Variants in RNF24 observed in about 807,000 individuals in gnomAD.
RNF24 encodes ring finger protein 24.
Under a neutral mutation model 20.0 loss-of-function variants are expected in RNF24, and 14 were observed. The ratio of observed to expected loss-of-function variants is 0.70; its 90% CI spans 0.46 to 1.10. The LOEUF (loss-of-function observed/expected upper bound fraction) is 1.10, where lower values mean the gene tolerates loss of function less well. RNF24 is among the 50% of genes least tolerant of loss of function. The pLI, the probability that RNF24 is intolerant of heterozygous loss-of-function variation, is 0.00. For missense variants in RNF24, 124 were observed against 177.6 expected (o/e 0.70, Z 1.71); for synonymous variants, 45 against 61.1 (o/e 0.74, Z 1.23).
Position 3,932,662 on chromosome 20 carries a change from C to T in RNF24, c.*1401G>A, listed in dbSNP as rs1274416087. 2.8e-6 allele frequency: 1 copy of T among 359,414 alleles called. No individual in the cohort carries two copies. Among genetic ancestry groups the T allele is most frequent in the African/African-American group, 2.1e-5 (1 of 47,948 alleles). The allele number at this position is 359,414 out of a possible 1,614,324, so 22.3% of individuals were successfully genotyped here. A position where few individuals can be genotyped will look rare whatever the true frequency, so the allele number is the denominator to read the frequency against. ...GACTGTATTCCTAATGAAAAACTTC[C>T]CCCACTCACACCTGTGGGATGGAGT... On this transcript the variant is annotated 3_prime_UTR_variant, in exon 6 of 6. Transcript: ENST00000358395.
chr20:3,973,500 C>CAAAAAAAAAAAAAAATAA, intron 1 of RNF24, among the ~76,000 whole-genome samples: 1 of 101,106 alleles, frequency 9.9e-6, no homozygotes, highest in East Asian at 3.3e-4. Context: ...GGAAGAATGA[C>CAAAAAAAAAAAAAAATAA]AAAAAAAAAA....
rs139919897 is a variant in RNF24, at chr20:3,976,314, C to T, written c.-7-12290G>A. On this transcript the variant is annotated intron_variant, in intron 1 of 5. Coordinates refer to ENST00000358395, the MANE Select transcript of RNF24 (RefSeq NM_001134337.3). ...CTATTAGGGAAATAGAAATTAAAGC[C>T]ACAATGAGAAATTACTAAATTAAAC... Among the ~76,000 whole-genome samples the T allele has an allele frequency of 7.6e-3, 1,155 of 152,126 alleles. 6 individuals are homozygous for T. Among genetic ancestry groups the T allele is most frequent in the Non-Finnish European group, 0.013 (895 of 67,988 alleles).
chr20:3,949,408 G>A lies in RNF24; in HGVS notation c.144-1129C>T, dbSNP rs150065593. On this transcript the variant is annotated intron_variant, in intron 2 of 5. Coordinates refer to ENST00000358395, the MANE Select transcript of RNF24 (RefSeq NM_001134337.3). ...AAAAATAAAAGTACTCACCCTGGCC[G>A]GACACAGTGGCTCATGCCTGTAATC... Among the ~76,000 whole-genome samples the A allele has an allele frequency of 4.7e-3, 709 of 150,958 alleles. 9 individuals are homozygous for A. Among genetic ancestry groups the A allele is most frequent in the African/African-American group, 0.016 (668 of 41,084 alleles).
chr20:4,008,393 T>TATATA lies in RNF24; in HGVS notation c.-8+7043_-8+7044insTATAT, dbSNP rs1362132260. Among the ~76,000 whole-genome samples the TATATA allele has an allele frequency of 1.3e-3, 29 of 23,032 alleles. 1 individual carries two copies. Among genetic ancestry groups the TATATA allele is most frequent in the African/African-American group, 4.3e-3 (21 of 4,908 alleles). 15.1% of individuals were successfully genotyped at this position (23,032 alleles called of 152,430 possible). On this transcript the variant is annotated intron_variant, in intron 1 of 5. Transcript: ENST00000358395. Reference sequence around the variant, plus strand: ...TATTATATATATAATATATATATTATATATGTAATATGTATAATATATATA... The same window carrying TATATA: ...TATTATATATATAATATATATATTATATATAATATGTAATATGTATAATATATATA...
At chr20:3,939,749 G>C (rs1290778783) in intron 4 of RNF24, among the ~76,000 whole-genome samples, 1 of 152,142 alleles carries the variant, frequency 6.6e-6, no homozygotes, top group Admixed American at 6.5e-5. Flanking sequence ...AGGGCAGATA[G>C]GATTTTGAAA....
At chr20:3,970,584 T>C (rs751762028) in intron 1 of RNF24, among the ~76,000 whole-genome samples, 6 of 152,138 alleles carry the variant, frequency 3.9e-5, no homozygotes, top group East Asian at 1.9e-4. Flanking sequence ...CAAGCATTTA[T>C]GAACATGCTT....
chr20:3,951,024 C>T (rs1220133847), intron 2 of RNF24, among the ~76,000 whole-genome samples: 30 of 152,274 alleles, frequency 2.0e-4, no homozygotes, highest in Non-Finnish European at 2.9e-5. Flanking sequence ...GGCATGATCT[C>T]GGCTCACTGC....
chr20:3,992,019 CCTT>C (rs1337806529), intron 1 of RNF24, among the ~76,000 whole-genome samples: 1 of 152,068 alleles, frequency 6.6e-6, no homozygotes, highest in Non-Finnish European at 1.5e-5. Context: ...AAAATGTACT[CCTT>C]GAGCGCAGAA....
At chr20:3,965,609 G>T (rs2091249190) in intron 1 of RNF24, among the ~76,000 whole-genome samples, 1 of 152,122 alleles carries the variant, frequency 6.6e-6, no homozygotes, top group South Asian at 2.1e-4. Flanking sequence ...TCTTACGAAG[G>T]GAAGGAAGGA....
intron 2 of RNF24, among the ~76,000 whole-genome samples, chr20:3,954,452 G>A (rs2091118869): frequency 6.6e-6 from 1 of 152,074 alleles, no homozygotes; most frequent in Non-Finnish European, 1.5e-5. Context: ...TCCATTGTAT[G>A]TACATACAAT....
intron 1 of RNF24, among the ~76,000 whole-genome samples, chr20:4,001,952 A>T (rs1350850048): frequency 6.6e-6 from 1 of 150,770 alleles, no homozygotes; most frequent in African/African-American, 2.4e-5. Context: ...CTCTTAAAAA[A>T]ACAAACAAAA....
chr20:3,985,730 G>A (rs1239424526), intron 1 of RNF24, among the ~76,000 whole-genome samples: 1 of 141,134 alleles, frequency 7.1e-6, no homozygotes, highest in Non-Finnish European at 1.5e-5. Context: ...GTGAGATGCA[G>A]TTTCGGTCTT....
intron 1 of RNF24, among the ~76,000 whole-genome samples, chr20:3,969,875 A>C (rs1215460432): frequency 6.6e-6 from 1 of 150,594 alleles, no homozygotes; most frequent in Non-Finnish European, 1.5e-5. Flanking sequence ...GGTTCAAGCG[A>C]TTGTCCTGCC....
At chr20:3,970,332 G>A (rs963927325) in intron 1 of RNF24, among the ~76,000 whole-genome samples, 5 of 151,886 alleles carry the variant, frequency 3.3e-5, no homozygotes, top group African/African-American at 1.2e-4. Context: ...ACAACCCACC[G>A]TTTCACTGTC....
chr20:4,013,226 C>G (rs1982604498), intron 1 of RNF24, among the ~76,000 whole-genome samples: 1 of 151,922 alleles, frequency 6.6e-6, no homozygotes, highest in Admixed American at 6.6e-5. Context: ...CCTGAACTGA[C>G]CATGGAAAAT....
chr20:3,933,226 C>A lies in RNF24; in HGVS notation c.*837G>T. ...AAAGCCACTGCTCTTTGGAGCCACT[C>A]GAGAGGTTCACAGTGGCTCCCTTCT... On this transcript the variant is annotated 3_prime_UTR_variant, in exon 6 of 6. Transcript: ENST00000358395. The A allele has an allele frequency of 5.0e-6, 2 of 398,404 alleles. No homozygotes were observed. The highest frequency in any genetic ancestry group is 1.3e-4 in the South Asian group (1 of 7,738). 24.7% of individuals were successfully genotyped at this position (398,404 alleles called of 1,614,324 possible).
At chr20:3,967,315 G>A (rs2146996367) in intron 1 of RNF24, among the ~76,000 whole-genome samples, 1 of 152,246 alleles carries the variant, frequency 6.6e-6, no homozygotes, top group East Asian at 1.9e-4. Context: ...GTACACTGTT[G>A]TAGCTTACTT....
At chr20:3,994,405 CAGAT>C (rs1343269481) in intron 1 of RNF24, among the ~76,000 whole-genome samples, 9 of 152,270 alleles carry the variant, frequency 5.9e-5, no homozygotes, top group Admixed American at 1.3e-4. Flanking sequence ...TGGAGTATAA[CAGAT>C]AGAAATCAAT....
intron 2 of RNF24, among the ~76,000 whole-genome samples, chr20:3,961,781 T>G (rs1267981899): frequency 6.6e-6 from 1 of 152,092 alleles, no homozygotes; most frequent in Non-Finnish European, 1.5e-5. Flanking sequence ...TATTTCTAAG[T>G]TAAATCAACA....
Sources: gnomAD v4.1 joint callset for allele counts (sites outside exome capture counted in the v4.1 genomes callset) on GRCh38, gnomAD v4.1.1 for gene constraint, MANE v1.5 for transcripts, NCBI Gene and HGNC (gene_info 2026-07-23, HGNC 2026-07-21) for gene names.